RANBP2: variants seen among roughly 807,000 people sequenced by gnomAD.
RANBP2 encodes the protein RAN binding protein 2.
A neutral mutation model predicts 303.6 loss-of-function variants in RANBP2; 57 were observed. The observed-to-expected ratio is 0.19, with a 90% CI of 0.15 to 0.23. The LOEUF (loss-of-function observed/expected upper bound fraction) is 0.23, where lower values mean the gene tolerates loss of function less well. RANBP2 is among the 10% of genes least tolerant of loss of function. RANBP2 has a pLI of 1.00. For missense variants in RANBP2, 3,138 were observed against 3,780.8 expected (o/e 0.83, Z 4.46); for synonymous variants, 1,167 against 1,301.5 (o/e 0.90, Z 2.23).
At chr2:109,553,286 T>A in the RANBP2 span, 1 of 1,552,044 alleles carries the variant, frequency 6.4e-7, no homozygotes, top group Non-Finnish European at 8.8e-7. Flanking sequence ...GGCTCACGCC[T>A]GTAATCCCAA....
chr2:108,959,204 G>A, the RANBP2 span, among the ~76,000 whole-genome samples: 1 of 152,260 alleles, frequency 6.6e-6, no homozygotes, highest in Admixed American at 6.5e-5. Context: ...CAAGGCTTCA[G>A]TAAAGCTGAT....
the RANBP2 span, among the ~76,000 whole-genome samples, chr2:109,708,976 CAAAAAT>C: frequency 6.7e-6 from 1 of 149,550 alleles, no homozygotes; most frequent in South Asian, 2.1e-4. Context: ...GGCTCCCTCT[CAAAAAT>C]AAATAAATAA....
chr2:109,695,778 T>G, the RANBP2 span, among the ~76,000 whole-genome samples: 1 of 152,278 alleles, frequency 6.6e-6, no homozygotes, highest in Non-Finnish European at 1.5e-5. Context: ...CTAAAACTGC[T>G]GGGGGCAGTT....
At chr2:109,688,907 T>C in the RANBP2 span, among the ~76,000 whole-genome samples, 3 of 135,542 alleles carry the variant, frequency 2.2e-5, no homozygotes, top group African/African-American at 9.1e-5. Context: ...TTCCTTCCTT[T>C]CTTCCTTCCT....
At chr2:109,268,939 C>A in the RANBP2 span, among the ~76,000 whole-genome samples, 1 of 152,174 alleles carries the variant, frequency 6.6e-6, no homozygotes, top group Admixed American at 6.5e-5. Context: ...CAGGAAGCAT[C>A]TGTATCTTTT....
chr2:109,402,874 G>A, the RANBP2 span, among the ~76,000 whole-genome samples: 2 of 152,162 alleles, frequency 1.3e-5, no homozygotes, highest in Non-Finnish European at 2.9e-5. Flanking sequence ...ACGTTGCACT[G>A]GGTTCTGTAG....
the RANBP2 span, among the ~76,000 whole-genome samples, chr2:109,401,104 T>C: frequency 1.3e-5 from 2 of 152,200 alleles, no homozygotes; most frequent in Non-Finnish European, 1.5e-5. Flanking sequence ...TTGCTTATTC[T>C]TGCTCAAACA....
At chr2:108,984,985 T>C in the RANBP2 span, among the ~76,000 whole-genome samples, 1 of 152,232 alleles carries the variant, frequency 6.6e-6, no homozygotes, top group African/African-American at 2.4e-5. Context: ...AGAGATTTGG[T>C]AACCATCTGA....
chr2:108,847,025 C>A, the RANBP2 span: 1 of 738,204 alleles, frequency 1.4e-6, no homozygotes, highest in South Asian at 1.9e-5. Flanking sequence ...TGTACATTTT[C>A]AGAATGAGGT....
At chr2:108,895,071 A>C in the RANBP2 span, 1 of 152,846 alleles carries the variant, frequency 6.5e-6, no homozygotes, top group African/African-American at 2.4e-5. Context: ...TCAAAGAGGA[A>C]TTAAAAGGAT....
At chr2:109,672,067 C>A in the RANBP2 span, among the ~76,000 whole-genome samples, 3 of 152,158 alleles carry the variant, frequency 2.0e-5, no homozygotes, top group South Asian at 4.2e-4. Context: ...AGCAACAAAC[C>A]AAAACTGAGT....
At chr2:109,191,880 A>G in the RANBP2 span, among the ~76,000 whole-genome samples, 1 of 151,968 alleles carries the variant, frequency 6.6e-6, no homozygotes, top group African/African-American at 2.4e-5. Context: ...CATTTTTGAA[A>G]CCTTTACTAT....
chr2:109,441,803 A>G, the RANBP2 span, among the ~76,000 whole-genome samples: 1 of 152,240 alleles, frequency 6.6e-6, no homozygotes, highest in Admixed American at 6.5e-5. Flanking sequence ...CAGCCAGAGG[A>G]CAAAAAGATA....
chr2:109,396,553 C>T, the RANBP2 span, among the ~76,000 whole-genome samples: 1 of 152,186 alleles, frequency 6.6e-6, no homozygotes, highest in Admixed American at 6.5e-5. Context: ...AGCAGGGCTT[C>T]TGGGTTTTTT....
the RANBP2 span, chr2:109,604,768 G>A: frequency 6.6e-6 from 1 of 152,172 alleles, no homozygotes; most frequent in African/African-American, 2.4e-5. Flanking sequence ...TGTGCCAAGG[G>A]TACAAATATA....
At chr2:109,081,389 C>G in the RANBP2 span, among the ~76,000 whole-genome samples, 1 of 152,014 alleles carries the variant, frequency 6.6e-6, no homozygotes, top group Admixed American at 6.5e-5. Flanking sequence ...GGGAGCTGCC[C>G]GAGGCTGTTT....
intron 1 of RANBP2, among the ~76,000 whole-genome samples, chr2:108,727,575 G>GTTT (rs1390137357): frequency 4.0e-3 from 606 of 150,858 alleles, no homozygotes; most frequent in Non-Finnish European, 6.6e-3. Context: ...TTTATCACAT[G>GTTT]GATGGAACAT....
chr2:109,649,748 GT>G, the RANBP2 span, among the ~76,000 whole-genome samples: 1 of 152,170 alleles, frequency 6.6e-6, no homozygotes, highest in Non-Finnish European at 1.5e-5. Flanking sequence ...TGTAAAGCAT[GT>G]GATTACTTCC....
the RANBP2 span, among the ~76,000 whole-genome samples, chr2:109,452,710 C>T: frequency 6.6e-6 from 1 of 152,190 alleles, no homozygotes; most frequent in South Asian, 2.1e-4. Flanking sequence ...TCCCAGGAGG[C>T]TGGTTCCCGG....
Sources: allele counts gnomAD v4.1 joint callset (sites outside exome capture counted in the v4.1 genomes callset), GRCh38; gene constraint gnomAD v4.1.1; transcripts MANE v1.5; gene names NCBI Gene and HGNC (gene_info 2026-07-23, HGNC 2026-07-21).